Variants in SSBP3 observed in about 807,000 individuals in gnomAD.
SSBP3 encodes single stranded DNA binding protein 3.
A neutral mutation model predicts 69.6 loss-of-function variants in SSBP3; 5 were observed. The ratio of observed to expected loss-of-function variants is 0.07; its 90% CI spans 0.04 to 0.15. SSBP3 has a LOEUF of 0.15. Among genes scored for constraint, SSBP3 ranks in the 10% least tolerant of loss-of-function variants. The pLI is 1.00. For missense variants in SSBP3, 312 were observed against 534.0 expected (o/e 0.58, Z 4.10); for synonymous variants, 196 against 193.4 (o/e 1.01, Z -0.11).
intron 4 of SSBP3, among the ~76,000 whole-genome samples, chr1:54,294,159 A>AAAAAAAAG (rs754650225): frequency 1.9e-4 from 16 of 86,160 alleles, no homozygotes; most frequent in African/African-American, 5.3e-4. Flanking sequence ...AAAAAAAAAA[A>AAAAAAAAG]AAAGAAAGAA....
chr1:54,402,156 T>C (rs555445566), intron 3 of SSBP3, among the ~76,000 whole-genome samples: 2 of 152,236 alleles, frequency 1.3e-5, no homozygotes, highest in Admixed American at 1.3e-4. Context: ...ATAGTTCTTA[T>C]ATATCAAATA....
At chr1:54,293,827 T>C (rs571953813) in intron 4 of SSBP3, among the ~76,000 whole-genome samples, 1 of 152,140 alleles carries the variant, frequency 6.6e-6, no homozygotes, top group Admixed American at 6.5e-5. Context: ...TTTGGATAAA[T>C]AAAATTCTTG....
chr1:54,235,145 C>A (rs1164750677), intron 14 of SSBP3, among the ~76,000 whole-genome samples: 1 of 152,146 alleles, frequency 6.6e-6, no homozygotes, highest in Non-Finnish European at 1.5e-5. Context: ...TGTAGGAATT[C>A]ACGTCCATCT....
intron 4 of SSBP3, among the ~76,000 whole-genome samples, chr1:54,331,272 A>G (rs1468206378): frequency 6.6e-6 from 1 of 152,082 alleles, no homozygotes; most frequent in Non-Finnish European, 1.5e-5. Flanking sequence ...ACTCCCTCAG[A>G]CCAGATGCCC....
chr1:54,243,606 T>C (rs1164442050), intron 9 of SSBP3, among the ~76,000 whole-genome samples: 1 of 152,094 alleles, frequency 6.6e-6, no homozygotes, highest in East Asian at 1.9e-4. Context: ...CATGATGTCA[T>C]CCTGTACCTT....
intron 4 of SSBP3, among the ~76,000 whole-genome samples, chr1:54,319,909 G>A (rs1646183259): frequency 6.6e-6 from 1 of 152,102 alleles, no homozygotes; most frequent in Non-Finnish European, 1.5e-5. Flanking sequence ...ACTAATGCTG[G>A]AGAAACTGGC....
intron 13 of SSBP3, among the ~76,000 whole-genome samples, chr1:54,240,047 G>GGTGTGTGTGTGT (rs71066910): frequency 6.3e-3 from 490 of 77,562 alleles, no homozygotes; most frequent in Admixed American, 0.01. Flanking sequence ...ATTGTGATGG[G>GGTGTGTGTGTGT]GTGTGTGTGT....
chr1:54,311,544 G>T (rs949465188), intron 4 of SSBP3, among the ~76,000 whole-genome samples: 6 of 152,036 alleles, frequency 3.9e-5, no homozygotes, highest in African/African-American at 1.4e-4. Context: ...TGTCAAAATC[G>T]AGACAACCCT....
intron 4 of SSBP3, 23 bp from the exon 5 acceptor site, chr1:54,281,550 A>T (rs1645392958): frequency 5.2e-6 from 8 of 1,550,718 alleles, no homozygotes; most frequent in East Asian, 2.4e-5. Context: ...CAAGGCAGAG[A>T]GTTAGTGGCC....
At chr1:54,352,389 C>G (rs2073110) in intron 4 of SSBP3, among the ~76,000 whole-genome samples, 42,611 of 152,070 alleles carry the variant, frequency 0.28, 6,126 homozygotes, top group Non-Finnish European at 0.29. Context: ...AACTTCTTGG[C>G]TGACTGGTAA....
intron 4 of SSBP3, among the ~76,000 whole-genome samples, chr1:54,296,497 C>T (rs1279636515): frequency 6.6e-6 from 1 of 152,228 alleles, no homozygotes; most frequent in African/African-American, 2.4e-5. Flanking sequence ...AACTTTGAAT[C>T]TACAACATAG....
intron 15 of SSBP3, 102 bp downstream of exon 15, chr1:54,228,646 G>A: frequency 3.4e-6 from 5 of 1,485,054 alleles, no homozygotes; most frequent in Non-Finnish European, 4.6e-6. Flanking sequence ...GCCCAGCCAA[G>A]GCCGGCCAGG....
At chr1:54,371,875 G>A (rs752266946) in intron 4 of SSBP3, among the ~76,000 whole-genome samples, 1 of 152,054 alleles carries the variant, frequency 6.6e-6, no homozygotes, top group Non-Finnish European at 1.5e-5. Flanking sequence ...CCTGGTACAG[G>A]AACCGAGGGA....
intron 1 of SSBP3, 62 bp from the exon 2 acceptor site, chr1:54,404,992 C>A: frequency 6.8e-7 from 1 of 1,462,916 alleles, no homozygotes; most frequent in Non-Finnish European, 9.5e-7. Context: ...CCGGCGCTCT[C>A]CAGGACCTTG....
intron 4 of SSBP3, among the ~76,000 whole-genome samples, chr1:54,385,724 A>G (rs921555833): frequency 9.2e-5 from 14 of 152,140 alleles, no homozygotes; most frequent in African/African-American, 3.1e-4. Flanking sequence ...ATCTTCTAAC[A>G]TGCTCTGCTT....
At chr1:54,339,968 C>T (rs1407999526) in intron 4 of SSBP3, among the ~76,000 whole-genome samples, 1 of 152,218 alleles carries the variant, frequency 6.6e-6, no homozygotes, top group South Asian at 2.1e-4. Context: ...CAAACATAAA[C>T]TTCAGCATCA....
intron 4 of SSBP3, among the ~76,000 whole-genome samples, chr1:54,303,993 G>A (rs899269767): frequency 3.3e-5 from 5 of 152,134 alleles, no homozygotes; most frequent in South Asian, 4.1e-4. Context: ...CTGCCTCCAC[G>A]TGTTTGCAGA....
At chr1:54,360,592 A>G (rs1045160206) in intron 4 of SSBP3, among the ~76,000 whole-genome samples, 1 of 152,170 alleles carries the variant, frequency 6.6e-6, no homozygotes, top group Non-Finnish European at 1.5e-5. Context: ...GGTCCCCCCA[A>G]GTGTTTCCAC....
At chr1:54,283,042 G>A (rs1043425682) in intron 4 of SSBP3, among the ~76,000 whole-genome samples, 7 of 152,120 alleles carry the variant, frequency 4.6e-5, no homozygotes, top group Non-Finnish European at 8.8e-5. Flanking sequence ...CAAGGTGGGC[G>A]GATCACCTGA....
Sources: gnomAD v4.1 joint callset for allele counts (sites outside exome capture counted in the v4.1 genomes callset) on GRCh38, gnomAD v4.1.1 for gene constraint, MANE v1.5 for transcripts, NCBI Gene and HGNC (gene_info 2026-07-23, HGNC 2026-07-21) for gene names.